Variants in NLRP1 observed in about 807,000 individuals in gnomAD.
The protein encoded by NLRP1 is NACHT, LRR and PYD domains-containing protein 1.
In NLRP1, 94 loss-of-function variants were observed where a neutral mutation model predicts 136.7. That is an observed-to-expected ratio of 0.69 (90% CI 0.58 to 0.82). The LOEUF is 0.82. Among genes scored for constraint, NLRP1 ranks in the 40% least tolerant of loss-of-function variants. The pLI, the probability that NLRP1 is intolerant of heterozygous loss-of-function variation, is 0.00. For missense variants in NLRP1, 1,575 were observed against 1,802.7 expected (o/e 0.87, Z 2.29); for synonymous variants, 690 against 725.1 (o/e 0.95, Z 0.78).
chr17:5,509,984 T>C (rs1907540827), downstream of NLRP1, among the ~76,000 whole-genome samples: 3 of 152,184 alleles, frequency 2.0e-5, no homozygotes, highest in African/African-American at 7.2e-5. Flanking sequence ...ATTCCCATCA[T>C]CTCCATGTGC....
At chr17:5,580,598 CTT>C (rs1905529861) in intron 3 of NLRP1, among the ~76,000 whole-genome samples, 1 of 152,164 alleles carries the variant, frequency 6.6e-6, no homozygotes, top group African/African-American at 2.4e-5. Context: ...TTGATGGAAA[CTT>C]TATTTATAGC....
At chr17:5,551,961 G>A (rs1298426611) in intron 5 of NLRP1, among the ~76,000 whole-genome samples, 1 of 151,940 alleles carries the variant, frequency 6.6e-6, no homozygotes, top group East Asian at 1.9e-4. Context: ...TTTTTGTAGA[G>A]ACAGAGTCTC....
At position 5,530,541 on chromosome 17, in the gene NLRP1, T is replaced by C; in HGVS notation, c.3460A>G (p.Ile1154Val). ...TCCACAGCTCCAGGCTCAGCCTTGATGTCCAGCAGAGGCCCTGCCACCATC... is the reference window on the plus strand; with the variant it reads ...TCCACAGCTCCAGGCTCAGCCTTGACGTCCAGCAGAGGCCCTGCCACCATC... ...SWMVAGPLLD[I>V]KAEPGAVEAV... Residue 1154 changes from isoleucine to valine, a missense_variant, in exon 12 of 17, where the codon ATC becomes GTC. Coordinates refer to ENST00000572272, the MANE Select transcript of NLRP1 (RefSeq NM_033004.4). 1 of 1,614,236 alleles carries C rather than the reference T, an allele frequency of 6.2e-7. No homozygotes were observed. Among genetic ancestry groups the C allele is most frequent in the Non-Finnish European group, 8.5e-7 (1 of 1,180,040 alleles).
chr17:5,582,173 T>C (rs960401499), intron 2 of NLRP1, 111 bp from the exon 3 acceptor site: 24 of 898,344 alleles, frequency 2.7e-5, no homozygotes, highest in Non-Finnish European at 4.1e-5. Context: ...AATAATATTA[T>C]TTTGAAAACC....
intron 12 of NLRP1, among the ~76,000 whole-genome samples, chr17:5,529,616 T>G (rs1436189969): frequency 4.6e-5 from 7 of 152,204 alleles, no homozygotes; most frequent in Non-Finnish European, 1.0e-4. Flanking sequence ...TCCGCCCTCC[T>G]CGGCCTCCCA....
chr17:5,558,393 T>C lies in NLRP1; in HGVS notation c.2303A>G (p.Gln768Arg), dbSNP rs1485196879. ...IKFSRHVKKL[Q>R]LIEGRQHRST... ...TCTGTGCTGCCTGCCCTCAATCAGC[T>C]GAAGCTTCTTCACGTGGCGGCTGAA... The change falls in exon 4 of 17, where the codon CAG becomes CGG. Residue 768 changes from glutamine (Q) to arginine (R), a missense_variant. Gln to Arg is a conservative substitution (Grantham distance 43). Transcript: ENST00000572272. 6.2e-7 allele frequency: 1 copy of C among 1,614,072 alleles called. No individual in the cohort carries two copies. The highest frequency in any genetic ancestry group is 1.7e-5 in the Admixed American group (1 of 60,002).
Position 5,559,253 on chromosome 17 carries a change from G to T in NLRP1, c.1443C>A (p.Phe481Leu). The T allele has an allele frequency of 6.2e-7, 1 of 1,614,150 alleles. No homozygotes were observed. The highest frequency in any genetic ancestry group is 2.2e-5 in the East Asian group (1 of 44,888). ...AATATTCCTTCCTGCTGGACTCAGA[G>T]AACCCCAGGACCTCTACCCAACGTG... is the stretch of plus-strand genomic sequence containing the variant. Reference protein sequence around the residue: ...EQARWVEVLGFSESSRKEYFY... With the variant: ...EQARWVEVLGLSESSRKEYFY... The change falls in exon 4 of 17, where the codon TTC (phenylalanine) becomes TTA (leucine). Residue 481 changes from phenylalanine to leucine, a missense_variant. Transcript: ENST00000572272.
downstream of NLRP1, chr17:5,512,186 T>C: frequency 8.5e-7 from 1 of 1,178,130 alleles, no homozygotes; most frequent in South Asian, 1.2e-5. Flanking sequence ...GGGCAATCTT[T>C]CTTTAAATGT....
chr17:5,562,454 G>A (rs1023856825), intron 3 of NLRP1, among the ~76,000 whole-genome samples: 12 of 152,148 alleles, frequency 7.9e-5, no homozygotes, highest in Non-Finnish European at 1.3e-4. Flanking sequence ...AAGGAACCCC[G>A]TTTACCAGAA....
chr17:5,519,695 G>A (rs1029383220), intron 14 of NLRP1, among the ~76,000 whole-genome samples: 1 of 151,606 alleles, frequency 6.6e-6, no homozygotes, highest in Non-Finnish European at 1.5e-5. Context: ...TGATCCACCC[G>A]CCTTGGTCTC....
chr17:5,532,062 G>C lies in NLRP1; in HGVS notation c.3296+760C>G, dbSNP rs140645709. Among the ~76,000 whole-genome samples, 426 of 152,268 alleles carry C rather than the reference G, an allele frequency of 2.8e-3. 3 individuals are homozygous for C. Among genetic ancestry groups the C allele is most frequent in the African/African-American group, 9.9e-3 (412 of 41,532 alleles). ...GTTCGAGACCAGCCTGTCCAATATG[G>C]TGAAACCCCCATCTCTACTAAAAAT... On this transcript the variant is annotated intron_variant, in intron 11 of 16. Coordinates refer to ENST00000572272, the MANE Select transcript of NLRP1 (RefSeq NM_033004.4).
downstream of NLRP1, chr17:5,512,073 G>T: frequency 1.8e-5 from 13 of 713,314 alleles, no homozygotes; most frequent in Admixed American, 1.0e-4. Flanking sequence ...TTTTTGTTTT[G>T]GGTTTTTGTG....
At chr17:5,525,521 G>A (rs1207230263) in intron 12 of NLRP1, among the ~76,000 whole-genome samples, 1 of 152,228 alleles carries the variant, frequency 6.6e-6, no homozygotes, top group Non-Finnish European at 1.5e-5. Flanking sequence ...CCTTCCTGCT[G>A]AGTGTGTGTG....
At chr17:5,579,950 C>T (rs889159845) in intron 3 of NLRP1, among the ~76,000 whole-genome samples, 2 of 152,014 alleles carry the variant, frequency 1.3e-5, no homozygotes, top group South Asian at 2.1e-4. Context: ...AAAAAACTAC[C>T]GGGCCGGGCG....
At chr17:5,557,514 ATGTT>A (rs2151800396) in intron 4 of NLRP1, among the ~76,000 whole-genome samples, 1 of 152,254 alleles carries the variant, frequency 6.6e-6, no homozygotes, top group African/African-American at 2.4e-5. Context: ...CATTAAATGA[ATGTT>A]TGTCTTCTCC....
At chr17:5,581,377 TATG>T (rs923086622) in intron 3 of NLRP1, among the ~76,000 whole-genome samples, 4 of 152,234 alleles carry the variant, frequency 2.6e-5, no homozygotes, top group Non-Finnish European at 4.4e-5. Context: ...ATCTCCAGGG[TATG>T]ATAATAGCAA....
At chr17:5,557,473 C>A (rs1315239797) in intron 4 of NLRP1, among the ~76,000 whole-genome samples, 6 of 152,226 alleles carry the variant, frequency 3.9e-5, no homozygotes, top group Non-Finnish European at 8.8e-5. Context: ...TTGTCCATAC[C>A]TCTACTGTTG....
downstream of NLRP1, among the ~76,000 whole-genome samples, chr17:5,511,479 ATGTG>A (rs1207828202): frequency 2.0e-5 from 3 of 150,676 alleles, no homozygotes; most frequent in East Asian, 2.0e-4. Context: ...GCGGACATGC[ATGTG>A]TGTCTCCCCC....
chr17:5,514,829 C>T lies in NLRP1; in HGVS notation c.4347G>A (p.Lys1449=), dbSNP rs199931784. The stretch of plus-strand genomic sequence containing the variant: ...CCATAATGAGGTGAGGATGGGTCTC[C>T]TTCAGGGCTTGGTAGAGTCCATCTT... ...KCKDGLYQAL[K]ETHPHLIMEL... is the part of the protein sequence containing the mutation. The change falls in exon 17 of 17, where the codon AAG becomes AAA. Residue 1449 remains lysine (K), a synonymous_variant. Coordinates refer to ENST00000572272, the MANE Select transcript of NLRP1 (RefSeq NM_033004.4). 2.0e-4 allele frequency: 325 copies of T among 1,614,090 alleles called. 1 individual carries two copies. Among genetic ancestry groups the T allele is most frequent in the South Asian group, 1.1e-3 (100 of 91,078 alleles).
Sources: gnomAD v4.1 joint callset for allele counts (sites outside exome capture counted in the v4.1 genomes callset) on GRCh38, gnomAD v4.1.1 for gene constraint, MANE v1.5 for transcripts, NCBI Gene and HGNC (gene_info 2026-07-23, HGNC 2026-07-21) for gene names.